Variants in NPSR1 observed in about 807,000 individuals in gnomAD.
The protein encoded by NPSR1 is neuropeptide S receptor.
Under a neutral mutation model 46.9 loss-of-function variants are expected in NPSR1, and 48 were observed. The ratio of observed to expected loss-of-function variants is 1.02; its 90% CI spans 0.81 to 1.30. The LOEUF (loss-of-function observed/expected upper bound fraction) is 1.30. NPSR1 is among the 50% of genes most tolerant of loss of function. The pLI is 0.00. For missense variants in NPSR1, 450 were observed against 449.5 expected (o/e 1.00, Z -0.01); for synonymous variants, 176 against 168.1 (o/e 1.05, Z -0.36).
intron 3 of NPSR1, among the ~76,000 whole-genome samples, chr7:34,794,119 A>G (rs1421026601): frequency 1.3e-5 from 2 of 152,136 alleles, no homozygotes; most frequent in Admixed American, 6.6e-5. Context: ...TACAATGTTA[A>G]AGTTAAATAG....
intron 3 of NPSR1, among the ~76,000 whole-genome samples, chr7:34,785,297 C>T (rs925952157): frequency 1.4e-5 from 2 of 147,732 alleles, no homozygotes; most frequent in Non-Finnish European, 3.0e-5. Context: ...AGCCAAACAT[C>T]GCATGTTATC....
intron 3 of NPSR1, among the ~76,000 whole-genome samples, chr7:34,796,940 G>A (rs1788200746): frequency 6.6e-6 from 1 of 152,150 alleles, no homozygotes; most frequent in African/African-American, 2.4e-5. Context: ...CCTTTGGTAG[G>A]TAAATGGAGA....
intron 2 of NPSR1, among the ~76,000 whole-genome samples, chr7:34,698,375 G>T (rs1207842964): frequency 6.6e-6 from 1 of 152,142 alleles, no homozygotes; most frequent in Admixed American, 6.5e-5. Context: ...GGCAGGGGTT[G>T]CAATCTCAAA....
intron 4 of NPSR1, among the ~76,000 whole-genome samples, chr7:34,826,969 G>A (rs930893812): frequency 6.6e-6 from 1 of 152,128 alleles, no homozygotes; most frequent in Non-Finnish European, 1.5e-5. Flanking sequence ...GCAGTGCTGG[G>A]TACAGTGAAA....
At chr7:34,750,275 G>A (rs1785452502) in intron 2 of NPSR1, 2 of 680,674 alleles carry the variant, frequency 2.9e-6, no homozygotes, top group Admixed American at 3.6e-5. Context: ...GCGAGCTGAT[G>A]CTCTGAGAAT....
At chr7:34,792,508 C>T (rs1442080365) in intron 3 of NPSR1, among the ~76,000 whole-genome samples, 1 of 146,292 alleles carries the variant, frequency 6.8e-6, no homozygotes, top group Non-Finnish European at 1.5e-5. Flanking sequence ...AAAACACACA[C>T]ACACACACAT....
chr7:34,839,643 G>A (rs1387717405), intron 6 of NPSR1, among the ~76,000 whole-genome samples: 1 of 152,144 alleles, frequency 6.6e-6, no homozygotes, highest in Non-Finnish European at 1.5e-5. Context: ...CCACATAGAA[G>A]TTTATGTCTT....
intron 2 of NPSR1, among the ~76,000 whole-genome samples, chr7:34,744,395 C>T (rs1321210676): frequency 6.6e-6 from 1 of 152,024 alleles, no homozygotes; most frequent in African/African-American, 2.4e-5. Flanking sequence ...AGCAAGTCTA[C>T]ATGTGCCTAA....
At chr7:34,755,768 C>A (rs1324604557) in intron 2 of NPSR1, among the ~76,000 whole-genome samples, 1 of 152,006 alleles carries the variant, frequency 6.6e-6, no homozygotes, top group East Asian at 1.9e-4. Flanking sequence ...TAGCTCCTTC[C>A]CTACTGACAA....
rs112322965 is a variant in NPSR1 at position 34,832,186 on chromosome 7, A to G, written c.681-2198A>G. Among the ~76,000 whole-genome samples, 488 of 152,346 alleles carry G rather than the reference A, an allele frequency of 3.2e-3. 7 individuals carry two copies. The highest frequency in any genetic ancestry group is 0.011 in the African/African-American group (445 of 41,586). ...GGTACAGATTATGGAGTCATTTTGC[A>G]GGGACAATCCACAAAACTTATCTGC... On this transcript the variant is annotated intron_variant, in intron 5 of 8. Transcript: ENST00000360581.
intron 2 of NPSR1, among the ~76,000 whole-genome samples, chr7:34,757,403 A>C (rs1057460808): frequency 6.6e-6 from 1 of 152,188 alleles, no homozygotes; most frequent in Non-Finnish European, 1.5e-5. Context: ...ATTAAGTAAG[A>C]TAATACATGT....
intron 2 of NPSR1, among the ~76,000 whole-genome samples, chr7:34,725,099 TCACACACACACACACACACACACACAGA>T (rs1476912312): frequency 2.7e-5 from 4 of 146,534 alleles, no homozygotes; most frequent in African/African-American, 7.5e-5. Context: ...ACACACAGAC[TCACACACACACACACACACACACACAGA>T]CACACACACA....
chr7:34,721,520 A>T lies in NPSR1; in HGVS notation c.280+36836A>T, dbSNP rs533922893. 7.4e-4 allele frequency among the ~76,000 whole-genome samples: 112 copies of T among 152,300 alleles called. 1 individual carries two copies. The highest frequency in any genetic ancestry group is 6.0e-3 in the Admixed American group (91 of 15,286). On this transcript the variant is annotated intron_variant, in intron 2 of 8. Coordinates refer to ENST00000360581, the MANE Select transcript of NPSR1 (RefSeq NM_207172.2). ...CATCACATCTTGCCAAAGCATTCTT[A>T]TTCATTCTCTCAACTAACACTTATT... is the stretch of plus-strand genomic sequence containing the variant.
At chr7:34,798,825 G>A (rs1788323011) in intron 3 of NPSR1, among the ~76,000 whole-genome samples, 1 of 152,120 alleles carries the variant, frequency 6.6e-6, no homozygotes, top group African/African-American at 2.4e-5. Flanking sequence ...AAGGATAGCT[G>A]AAAATTTTCA....
At chr7:34,796,466 G>A (rs1269560562) in intron 3 of NPSR1, among the ~76,000 whole-genome samples, 3 of 152,232 alleles carry the variant, frequency 2.0e-5, no homozygotes, top group Non-Finnish European at 4.4e-5. Context: ...ATGCAGAAGA[G>A]CTCTTAAAGC....
At chr7:34,691,403 C>T (rs549180608) in intron 2 of NPSR1, among the ~76,000 whole-genome samples, 1 of 152,112 alleles carries the variant, frequency 6.6e-6, no homozygotes, top group African/African-American at 2.4e-5. Context: ...CTAAATATTC[C>T]ACTTAAAATA....
At chr7:34,707,235 G>A (rs1369634188) in intron 2 of NPSR1, among the ~76,000 whole-genome samples, 1 of 152,162 alleles carries the variant, frequency 6.6e-6, no homozygotes, top group African/African-American at 2.4e-5. Flanking sequence ...GAACTGATCT[G>A]GTTCTAATGG....
intron 3 of NPSR1, among the ~76,000 whole-genome samples, chr7:34,803,836 C>A (rs576504174): frequency 6.6e-6 from 1 of 150,516 alleles, no homozygotes; most frequent in African/African-American, 2.4e-5. Flanking sequence ...ATTCTGTGGA[C>A]ATTAAAAGAA....
At position 34,875,198 on chromosome 7, in the gene NPSR1, C is replaced by T. The variant is rs767690636; in HGVS notation, c.1026-2878C>T. On this transcript the variant is annotated intron_variant, in intron 8 of 8. Transcript: ENST00000359791. ...ATGAAATTCAGGCCCTAGTCCCACACATAAGTAATTAAAGGTCAAAGTGAC... is the reference window on the plus strand; with the variant it reads ...ATGAAATTCAGGCCCTAGTCCCACATATAAGTAATTAAAGGTCAAAGTGAC... Among the ~76,000 whole-genome samples the T allele has an allele frequency of 9.9e-5, 15 of 152,182 alleles. 1 individual carries two copies. The highest frequency in any genetic ancestry group is 1.8e-4 in the Non-Finnish European group (12 of 68,046).
Sources: gnomAD v4.1 joint callset for allele counts (sites outside exome capture counted in the v4.1 genomes callset) on GRCh38, gnomAD v4.1.1 for gene constraint, MANE v1.5 for transcripts, NCBI Gene and HGNC (gene_info 2026-07-23, HGNC 2026-07-21) for gene names.